Variants in ARHGEF6 observed in about 807,000 individuals in gnomAD.
ARHGEF6 encodes the protein rho guanine nucleotide exchange factor 6.
In ARHGEF6, 9 loss-of-function variants were observed where a neutral mutation model predicts 70.3. That is an observed-to-expected ratio of 0.13 (90% CI 0.08 to 0.22). The LOEUF (loss-of-function observed/expected upper bound fraction) is 0.22. Among genes scored for constraint, ARHGEF6 ranks in the 10% least tolerant of loss-of-function variants. The pLI, the probability that ARHGEF6 is intolerant of heterozygous loss-of-function variation, is 1.00. For synonymous variants in ARHGEF6, 201 were observed against 207.8 expected, an observed-to-expected ratio of 0.97 and a Z score of 0.28; for missense variants, 470 against 563.0, an observed-to-expected ratio of 0.83 and a Z score of 1.67.
chrX:136,759,406 G>A (rs755416139), intron 2 of ARHGEF6, among the ~76,000 whole-genome samples: 126 of 111,331 alleles, frequency 1.1e-3, no homozygotes, highest in African/African-American at 4.1e-3. Context: ...TTGGGAGGCC[G>A]AGGGGGGCGG....
chrX:136,672,790 TG>T (rs2076239164), intron 19 of ARHGEF6, among the ~76,000 whole-genome samples: 1 of 112,227 alleles, frequency 8.9e-6, no homozygotes, highest in Non-Finnish European at 1.9e-5. Context: ...ACAGCTCTCC[TG>T]CACCTCCCTC....
Position 136,682,778 on chromosome X carries a change from T to A in ARHGEF6, c.1459A>T (p.Met487Leu), listed in dbSNP as rs777014241. Residue 487 changes from methionine (M) to leucine (L), a missense_variant, in exon 13 of 22, where the codon ATG becomes TTG. Met to Leu is a conservative substitution (Grantham distance 15, BLOSUM62 2). Around this residue, in one of 3 missense-constraint regions of ARHGEF6, gnomAD observed 379 missense variants for 449.3 expected, o/e 0.84. Coordinates refer to ENST00000250617, the MANE Select transcript of ARHGEF6 (RefSeq NM_004840.3). ...CTAACCTGATAGATAAAGCCACTCA[T>A]CCGAGGACTTGCAGATAACATTATC... ...VLIMLSASPR[M>L]SGFIYQGKIP... The A allele has an allele frequency of 8.3e-7, 1 of 1,209,742 alleles. No individual in the cohort carries two copies. Among genetic ancestry groups the A allele is most frequent in the South Asian group, 1.8e-5 (1 of 56,949 alleles).
chrX:136,727,385 CT>C (rs533154198), intron 6 of ARHGEF6, among the ~76,000 whole-genome samples: 2 of 73,699 alleles, frequency 2.7e-5, no homozygotes, highest in African/African-American at 1.1e-4. Flanking sequence ...TTCTTTCTTT[CT>C]TTCTTTCTTT....
At chrX:136,672,861 G>C (rs2076239495) in intron 19 of ARHGEF6, among the ~76,000 whole-genome samples, 2 of 111,579 alleles carry the variant, frequency 1.8e-5, no homozygotes, top group Admixed American at 1.9e-4. Context: ...TGAGCCACTG[G>C]CTTCCTCTCT....
intron 6 of ARHGEF6, among the ~76,000 whole-genome samples, chrX:136,723,520 AT>A (rs982282917): frequency 9.0e-6 from 1 of 111,416 alleles, no homozygotes; most frequent in Non-Finnish European, 1.9e-5. Flanking sequence ...ACTGATATTC[AT>A]TTTTTTTAAT....
intron 20 of ARHGEF6, among the ~76,000 whole-genome samples, chrX:136,671,243 G>A (rs1055811513): frequency 1.8e-5 from 2 of 111,802 alleles, no homozygotes; most frequent in Non-Finnish European, 3.8e-5. Flanking sequence ...TAGCAGAAGT[G>A]GGAGTTGAAC....
At chrX:136,687,568 T>C (rs979149291) in intron 11 of ARHGEF6, among the ~76,000 whole-genome samples, 1 of 112,276 alleles carries the variant, frequency 8.9e-6, no homozygotes, top group Non-Finnish European at 1.9e-5. Flanking sequence ...GCATAACTAG[T>C]TGAATCCAGT....
chrX:136,750,604 G>A (rs181974242), intron 2 of ARHGEF6, among the ~76,000 whole-genome samples: 6 of 111,761 alleles, frequency 5.4e-5, no homozygotes, highest in Non-Finnish European at 9.4e-5. Context: ...CAAGAAAAAA[G>A]TATTACTTCT....
At chrX:136,727,722 C>T (rs1008264018) in intron 6 of ARHGEF6, among the ~76,000 whole-genome samples, 5 of 110,432 alleles carry the variant, frequency 4.5e-5, no homozygotes, top group African/African-American at 1.3e-4. Context: ...TTAGTAGAGA[C>T]GGGGTATCGC....
At chrX:136,728,944 C>T (rs1357729520) in intron 6 of ARHGEF6, among the ~76,000 whole-genome samples, 1 of 106,005 alleles carries the variant, frequency 9.4e-6, no homozygotes, top group Non-Finnish European at 1.9e-5. Flanking sequence ...AGCTTTGAGA[C>T]AGTAGAGTGT....
intron 2 of ARHGEF6, chrX:136,774,117 A>G (rs1329184389): frequency 8.9e-6 from 1 of 112,064 alleles, no homozygotes; most frequent in African/African-American, 3.2e-5. Flanking sequence ...TAAAAGTAAT[A>G]AACATAATTT....
At chrX:136,764,100 G>C (rs1174862785) in intron 2 of ARHGEF6, among the ~76,000 whole-genome samples, 1 of 110,070 alleles carries the variant, frequency 9.1e-6, no homozygotes, top group Non-Finnish European at 1.9e-5. Flanking sequence ...CTAGGTTGCT[G>C]AACGCTGGAT....
intron 10 of ARHGEF6, 65 bp downstream of exon 10, chrX:136,690,545 C>T (rs2076447678): frequency 1.3e-5 from 15 of 1,182,910 alleles, no homozygotes; most frequent in Non-Finnish European, 1.7e-5. Flanking sequence ...GGCAAATTGG[C>T]TGCGTCCTCC....
chrX:136,700,413 G>T (rs186206972), intron 9 of ARHGEF6, among the ~76,000 whole-genome samples: 2 of 111,283 alleles, frequency 1.8e-5, no homozygotes, highest in African/African-American at 6.5e-5. Flanking sequence ...TGTAATCCCA[G>T]CTACTCAGGG....
rs1477168829 is a variant in ARHGEF6 at position 136,668,006 on chromosome X, T to A, written c.*23A>T. ...ATTTCAAGATGCCCTGAAGGCACACTCCACCCAGTGGCACAGTGATGGTTA... is the reference window on the plus strand; with the variant it reads ...ATTTCAAGATGCCCTGAAGGCACACACCACCCAGTGGCACAGTGATGGTTA... On this transcript the variant is annotated 3_prime_UTR_variant, in exon 22 of 22. Transcript: ENST00000250617. 2.5e-6 allele frequency: 3 copies of A among 1,210,718 alleles called. No homozygotes were observed. In the East Asian group the frequency reaches 8.9e-5, roughly 36 times the overall value.
chrX:136,729,745 T>G (rs1025907020), intron 6 of ARHGEF6, among the ~76,000 whole-genome samples: 1 of 101,430 alleles, frequency 9.9e-6, no homozygotes, highest in African/African-American at 3.7e-5. Context: ...CAGAAGAATT[T>G]CTTGAACCCG....
chrX:136,729,193 A>G (rs1400239634), intron 6 of ARHGEF6, among the ~76,000 whole-genome samples: 2 of 105,997 alleles, frequency 1.9e-5, no homozygotes, highest in Admixed American at 1.0e-4. Flanking sequence ...TCTGGCTGGG[A>G]GCAGTGTCTC....
At chrX:136,762,918 C>T (rs1255958932) in intron 2 of ARHGEF6, among the ~76,000 whole-genome samples, 1 of 111,675 alleles carries the variant, frequency 9.0e-6, no homozygotes, top group Admixed American at 9.5e-5. Context: ...TGGTATACAA[C>T]TTCTCAAGAA....
intron 6 of ARHGEF6, among the ~76,000 whole-genome samples, chrX:136,715,334 C>G (rs1034698317): frequency 1.8e-5 from 2 of 110,680 alleles, no homozygotes; most frequent in African/African-American, 6.6e-5. Flanking sequence ...TCATGGGGTG[C>G]AGTTAAACAG....
Sources: gnomAD v4.1 joint callset for allele counts (sites outside exome capture counted in the v4.1 genomes callset) on GRCh38, gnomAD v4.1.1 for gene constraint, gnomAD v4.1.1 regional missense constraint, MANE v1.5 for transcripts, NCBI Gene and HGNC (gene_info 2026-07-23, HGNC 2026-07-21) for gene names.